The following ARHGAP8 variants were observed in gnomAD, a reference collection of about 807,000 sequenced individuals.
The protein encoded by ARHGAP8 is Rho GTPase activating protein 8, also known as rho GTPase-activating protein 8.
In ARHGAP8, 62 loss-of-function variants were observed where a neutral mutation model predicts 46.1. The observed-to-expected ratio is 1.34, with a 90% CI of 1.10 to 1.66. The LOEUF (loss-of-function observed/expected upper bound fraction) is 1.66. Among genes scored for constraint, ARHGAP8 ranks in the 40% most tolerant of loss-of-function variants. The pLI is 0.00. For synonymous variants in ARHGAP8, 375 were observed against 243.1 expected, an observed-to-expected ratio of 1.54 and a Z score of -5.05; for missense variants, 923 against 568.4, an observed-to-expected ratio of 1.62 and a Z score of -6.34.
At chr22:44,755,052 C>A (rs373775427) in intron 1 of ARHGAP8, among the ~76,000 whole-genome samples, 3 of 152,204 alleles carry the variant, frequency 2.0e-5, no homozygotes, top group African/African-American at 7.2e-5. Flanking sequence ...CGATGGTGGT[C>A]ACCAAATGGC....
chr22:44,851,129 C>G (rs1357122993), intron 10 of ARHGAP8, among the ~76,000 whole-genome samples: 1 of 152,050 alleles, frequency 6.6e-6, no homozygotes, highest in African/African-American at 2.4e-5. Flanking sequence ...AGGGAAGGAC[C>G]CAGCTCTGGC....
In ARHGAP8 at chr22:44,827,673, C is replaced by T. The variant is rs1027358299; in HGVS notation, c.596+2080C>T. Among the ~76,000 whole-genome samples the T allele has an allele frequency of 3.3e-5, 5 of 152,126 alleles. No individual in the cohort carries two copies. The East Asian group carries it at 7.7e-4, about 24-fold the overall frequency. ...GTGTTGTTTTAAGCTACCAAGTTGA[C>T]GGTAGTTACTGGGACCACATGAAAA... On this transcript the variant is annotated intron_variant, in intron 7 of 11. Coordinates refer to ENST00000356099, the MANE Select transcript of ARHGAP8 (RefSeq NM_181335.3).
At chr22:44,796,302 T>C (rs1216824213) in intron 2 of ARHGAP8, among the ~76,000 whole-genome samples, 2 of 152,094 alleles carry the variant, frequency 1.3e-5, no homozygotes, top group Non-Finnish European at 1.5e-5. Flanking sequence ...CTGTGCCTGG[T>C]GGGTGGAGGC....
At chr22:44,824,385 C>A (rs922062544) in intron 6 of ARHGAP8, among the ~76,000 whole-genome samples, 4 of 152,188 alleles carry the variant, frequency 2.6e-5, no homozygotes, top group African/African-American at 9.7e-5. Flanking sequence ...CAGGCTCAGT[C>A]CAGTGCACCA....
intron 2 of ARHGAP8, among the ~76,000 whole-genome samples, chr22:44,801,166 C>T (rs1470974772): frequency 3.5e-5 from 2 of 56,750 alleles, no homozygotes; most frequent in South Asian, 9.9e-4. Context: ...CGCAGCTGTC[C>T]ATGTGTGGGG....
At chr22:44,831,451 T>C (rs1258452359) in intron 7 of ARHGAP8, among the ~76,000 whole-genome samples, 2 of 152,110 alleles carry the variant, frequency 1.3e-5, no homozygotes, top group African/African-American at 4.8e-5. Context: ...ATCCCAGCAC[T>C]TTGGGAGGCT....
chr22:44,793,220 C>T (rs1302669787), intron 2 of ARHGAP8, among the ~76,000 whole-genome samples: 1 of 152,080 alleles, frequency 6.6e-6, no homozygotes, highest in Non-Finnish European at 1.5e-5. Context: ...TGGTCTGGGG[C>T]TGAGGCTGGG....
Position 44,862,766 on chromosome 22 carries a change from G to A in ARHGAP8, c.*171G>A. On this transcript the variant is annotated 3_prime_UTR_variant, in exon 12 of 12. Transcript: ENST00000356099. ...GACTCTTGTCCATGGTTCCTGAGCT[G>A]TGGACCGGGATAGAATAATGCATTT... The A allele has an allele frequency of 1.2e-6, 1 of 805,930 alleles. No individual in the cohort carries two copies. The allele number at this position is 805,930 out of a possible 1,614,324, so 49.9% of individuals were successfully genotyped here. A position where few individuals can be genotyped will look rare whatever the true frequency, so the allele number is the denominator to read the frequency against.
In ARHGAP8 at chr22:44,857,219, T is replaced by C. The variant is rs62232222; in HGVS notation, c.878-2512T>C. Among the ~76,000 whole-genome samples the C allele has an allele frequency of 4.2e-4, 46 of 110,338 alleles. 1 individual carries two copies. The highest frequency in any genetic ancestry group is 5.6e-4 in the African/African-American group (12 of 21,620). 72.4% of individuals were successfully genotyped at this position (110,338 alleles called of 152,430 possible). On this transcript the variant is annotated intron_variant, in intron 10 of 11. Coordinates refer to ENST00000356099, the MANE Select transcript of ARHGAP8 (RefSeq NM_181335.3). ...CCTCTGAAAGTGCTGGTATTATAGG[T>C]GTGAGCCACCACGACCAGTCTTGAG... is the stretch of plus-strand genomic sequence containing the variant.
intron 2 of ARHGAP8, among the ~76,000 whole-genome samples, chr22:44,801,505 C>T (rs1007209241): frequency 2.7e-5 from 4 of 150,040 alleles, no homozygotes; most frequent in African/African-American, 1.0e-4. Flanking sequence ...GTGGGGGCAC[C>T]TCTCCCCGCA....
At chr22:44,791,912 A>C (rs985911198) in intron 2 of ARHGAP8, among the ~76,000 whole-genome samples, 7 of 152,218 alleles carry the variant, frequency 4.6e-5, no homozygotes, top group Admixed American at 2.6e-4. Context: ...GCACCAAAGC[A>C]AGAAAAATCT....
intron 10 of ARHGAP8, chr22:44,849,728 C>T (rs1176195368): frequency 2.6e-5 from 4 of 152,196 alleles, no homozygotes; most frequent in African/African-American, 4.8e-5. Context: ...CACTAACAGT[C>T]GAAGGGGGGA....
At chr22:44,760,561 C>T (rs1480297186) in intron 1 of ARHGAP8, among the ~76,000 whole-genome samples, 1 of 152,238 alleles carries the variant, frequency 6.6e-6, no homozygotes, top group African/African-American at 2.4e-5. Context: ...ACAGCGAGCT[C>T]TTCCTCTGTA....
chr22:44,841,979 G>C (rs1287519881), intron 7 of ARHGAP8, among the ~76,000 whole-genome samples: 1 of 152,184 alleles, frequency 6.6e-6, no homozygotes, highest in African/African-American at 2.4e-5. Flanking sequence ...GGGGAGCACT[G>C]CCAAAATCTG....
At chr22:44,860,477 T>G (rs980022885) in intron 11 of ARHGAP8, among the ~76,000 whole-genome samples, 1 of 151,978 alleles carries the variant, frequency 6.6e-6, no homozygotes, top group Non-Finnish European at 1.5e-5. Flanking sequence ...CTCCTAAGTG[T>G]GGACCCCCTG....
At chr22:44,856,695 G>T (rs993519171) in intron 10 of ARHGAP8, among the ~76,000 whole-genome samples, 2 of 144,470 alleles carry the variant, frequency 1.4e-5, no homozygotes, top group Non-Finnish European at 3.0e-5. Context: ...CGTATCCCAT[G>T]ATTCTCCTCT....
rs2070026801 is a variant in ARHGAP8 at position 44,848,912 on chromosome 22, G to C, written c.749-20G>C. The stretch of plus-strand genomic sequence containing the variant: ...CCAGGCCGGGGTGCAGACCTCAGCA[G>C]TGCTGTGTTGTGTGTGCAGGGAAGC... On this transcript the variant is annotated intron_variant, in intron 9 of 11. Transcript: ENST00000356099. 2 of 1,613,842 alleles carry C rather than the reference G, an allele frequency of 1.2e-6. No homozygotes were observed. Among genetic ancestry groups the C allele is most frequent in the African/African-American group, 1.3e-5 (1 of 74,928 alleles).
intron 6 of ARHGAP8, among the ~76,000 whole-genome samples, chr22:44,824,017 C>T (rs2147119810): frequency 6.6e-6 from 1 of 152,292 alleles, no homozygotes; most frequent in South Asian, 2.1e-4. Flanking sequence ...AATGCTGATG[C>T]TTTTAAATGA....
At chr22:44,772,852 C>T (rs1926137852) in intron 1 of ARHGAP8, among the ~76,000 whole-genome samples, 1 of 137,088 alleles carries the variant, frequency 7.3e-6, no homozygotes, top group Non-Finnish European at 1.5e-5. Flanking sequence ...CTTCCCATCT[C>T]CCAGGTCTCC....
Sources: gnomAD v4.1 joint callset for allele counts (sites outside exome capture counted in the v4.1 genomes callset) on GRCh38, gnomAD v4.1.1 for gene constraint, MANE v1.5 for transcripts, NCBI Gene and HGNC (gene_info 2026-07-23, HGNC 2026-07-21) for gene names.